Variants in HMGB1 observed in about 807,000 individuals in gnomAD.
HMGB1 encodes high mobility group box 1, also known as high mobility group protein B1.
For missense variants in HMGB1, 79 were observed against 253.5 expected (o/e 0.31, Z 4.67); for synonymous variants, 81 against 84.0 (o/e 0.96, Z 0.19).
intron 1 of HMGB1, among the ~76,000 whole-genome samples, chr13:30,523,649 T>C (rs1312083719): frequency 6.6e-6 from 1 of 152,192 alleles, no homozygotes; most frequent in Non-Finnish European, 1.5e-5. Flanking sequence ...TTTTCACACG[T>C]AAGCCATGCT....
chr13:30,505,889 G>GT (rs1180261292), intron 1 of HMGB1, among the ~76,000 whole-genome samples: 9 of 151,866 alleles, frequency 5.9e-5, no homozygotes, highest in East Asian at 3.9e-4. Context: ...CAGTTTTTTT[G>GT]TTTTTTTGTA....
rs1006233396 is a variant in HMGB1, at chr13:30,464,423, A to T, written c.-14-729T>A. On this transcript the variant is annotated intron_variant, in intron 1 of 4. Transcript: ENST00000341423. ...CGGTGGCCCCCTCCCCCAACTCGGGAAGTATTTTTTGGAGCCGTGAAAGTT... is the reference window on the plus strand; with the variant it reads ...CGGTGGCCCCCTCCCCCAACTCGGGTAGTATTTTTTGGAGCCGTGAAAGTT... The T allele has an allele frequency of 2.7e-5, 27 of 985,286 alleles. No homozygotes were observed. In the African/African-American group the frequency reaches 4.2e-4, roughly 15 times the overall value. The allele number at this position is 985,286 out of a possible 1,614,324, so 61.0% of individuals were successfully genotyped here.
intron 1 of HMGB1, among the ~76,000 whole-genome samples, chr13:30,492,273 T>C (rs1566004702): frequency 6.6e-6 from 1 of 151,900 alleles, no homozygotes; most frequent in Non-Finnish European, 1.5e-5. Flanking sequence ...GAGGGTTGCT[T>C]GAGCTCAGGA....
rs541113606 is a variant in HMGB1, at chr13:30,464,422, G to T, written c.-14-728C>A. 35 of 985,432 alleles carry T rather than the reference G, an allele frequency of 3.6e-5. No individual in the cohort carries two copies. The African/African-American group carries it at 4.2e-4, about 12-fold the overall frequency. 61.0% of individuals were successfully genotyped at this position (985,432 alleles called of 1,614,324 possible). A position where few individuals can be genotyped will look rare whatever the true frequency, so the allele number is the denominator to read the frequency against. ...TCGGTGGCCCCCTCCCCCAACTCGGGAAGTATTTTTTGGAGCCGTGAAAGT... is the reference window on the plus strand; with the variant it reads ...TCGGTGGCCCCCTCCCCCAACTCGGTAAGTATTTTTTGGAGCCGTGAAAGT... On this transcript the variant is annotated intron_variant, in intron 1 of 4. Transcript: ENST00000341423.
At chr13:30,588,325 C>T (rs1871238281) in intron 1 of HMGB1, among the ~76,000 whole-genome samples, 1 of 152,010 alleles carries the variant, frequency 6.6e-6, no homozygotes, top group Admixed American at 6.5e-5. Flanking sequence ...TTAAAATAAT[C>T]AGGAAAAACT....
intron 1 of HMGB1, among the ~76,000 whole-genome samples, chr13:30,538,497 T>TTTCTTTCTTTCTTTCTTTCTTTC (rs1868586425): frequency 3.6e-4 from 17 of 46,932 alleles, no homozygotes; most frequent in African/African-American, 1.3e-3. Context: ...TTTCTTTCTT[T>TTTCTTTCTTTCTTTCTTTCTTTC]CTTTCTTTCT....
rs116014656 is a variant in HMGB1 at position 30,530,099 on chromosome 13, A to G, written c.-14-66405T>C. Among the ~76,000 whole-genome samples, 1,111 of 152,358 alleles carry G rather than the reference A, an allele frequency of 7.3e-3. 12 individuals carry two copies. Among genetic ancestry groups the G allele is most frequent in the African/African-American group, 0.021 (891 of 41,584 alleles). On this transcript the variant is annotated intron_variant, in intron 1 of 4. Coordinates refer to the HMGB1 transcript ENST00000405805. ...CAAATAAAAGCAATAATAAGACAAT[A>G]ATATATAATACACAATACAGTTGAG... is the stretch of plus-strand genomic sequence containing the variant.
At chr13:30,469,321 C>T (rs1886869025), upstream of HMGB1, among the ~76,000 whole-genome samples, 1 of 152,218 alleles carries the variant, frequency 6.6e-6, no homozygotes, top group African/African-American at 2.4e-5. Context: ...TTCCTCCATC[C>T]CCTCTAGGAT....
chr13:30,483,585 T>C (rs1224730642), intron 1 of HMGB1, among the ~76,000 whole-genome samples: 4 of 150,796 alleles, frequency 2.7e-5, no homozygotes, highest in South Asian at 2.1e-4. Context: ...CCTGCATGAC[T>C]CCCTGTTGCC....
intron 1 of HMGB1, among the ~76,000 whole-genome samples, chr13:30,563,259 A>C (rs1245206731): frequency 1.3e-5 from 2 of 152,086 alleles, no homozygotes; most frequent in African/African-American, 2.4e-5. Flanking sequence ...TTTCTGACAG[A>C]GTGTTCCCTA....
intron 1 of HMGB1, among the ~76,000 whole-genome samples, chr13:30,585,328 A>G (rs1871096619): frequency 6.6e-6 from 1 of 151,784 alleles, no homozygotes; most frequent in East Asian, 1.9e-4. Flanking sequence ...AAAACACAAA[A>G]AACAGAAAAC....
intron 1 of HMGB1, among the ~76,000 whole-genome samples, chr13:30,481,858 A>C (rs1404378180): frequency 6.6e-6 from 1 of 151,662 alleles, no homozygotes; most frequent in African/African-American, 2.4e-5. Context: ...TTTTCTTTTG[A>C]AATGGAGTCT....
At chr13:30,522,164 G>A in intron 1 of HMGB1, among the ~76,000 whole-genome samples, 1 of 146,112 alleles carries the variant, frequency 6.8e-6, no homozygotes, top group South Asian at 2.2e-4. Context: ...CCAGGTTGAA[G>A]TGCAGTGGTA....
upstream of HMGB1, among the ~76,000 whole-genome samples, chr13:30,468,207 T>A (rs1471705020): frequency 2.0e-5 from 3 of 152,226 alleles, no homozygotes; most frequent in Non-Finnish European, 4.4e-5. Flanking sequence ...CATATTTTAA[T>A]CTTATATGAA....
intron 1 of HMGB1, among the ~76,000 whole-genome samples, chr13:30,520,146 A>AC (rs1888204282): frequency 6.6e-6 from 1 of 151,862 alleles, no homozygotes; most frequent in African/African-American, 2.4e-5. Context: ...ACACGGTGAA[A>AC]CCCCATCTCT....
intron 1 of HMGB1, among the ~76,000 whole-genome samples, chr13:30,575,979 G>T (rs1363157477): frequency 2.0e-5 from 3 of 152,086 alleles, no homozygotes; most frequent in Admixed American, 2.0e-4. Context: ...TGTGAATATG[G>T]TAAGGACAGA....
Position 30,460,301 on chromosome 13 carries a change from G to C in HMGB1, c.*1056C>G. The C allele has an allele frequency of 7.2e-6, 1 of 139,720 alleles. No homozygotes were observed. The highest frequency in any genetic ancestry group is 2.1e-4 in the East Asian group (1 of 4,840). The allele number at this position is 139,720 out of a possible 1,614,324, so 8.7% of individuals were successfully genotyped here. ...CTGGCCCAATTAATTAAAAATACTT[G>C]TAATGGAAAGTCTCGTTTCCTGAGC... On this transcript the variant is annotated 3_prime_UTR_variant, in exon 5 of 5. Transcript: ENST00000341423.
At chr13:30,617,058 A>T (rs1950572649) in exon 1 of HMGB1, 1 of 152,252 alleles carries the variant, frequency 6.6e-6, no homozygotes, top group South Asian at 2.1e-4. Context: ...TTCCTACGAA[A>T]GCAAAGGCTT....
At chr13:30,554,296 T>C in intron 1 of HMGB1, 1 of 1,159,500 alleles carries the variant, frequency 8.6e-7, no homozygotes, top group South Asian at 1.2e-5. Flanking sequence ...ACCCTGACCA[T>C]GGGCCTGCAG....
Sources: gnomAD v4.1 joint callset for allele counts (sites outside exome capture counted in the v4.1 genomes callset) on GRCh38, gnomAD v4.1.1 for gene constraint, MANE v1.5 for transcripts, NCBI Gene and HGNC (gene_info 2026-07-23, HGNC 2026-07-21) for gene names.